The following TMPRSS4 variants were observed in gnomAD, a reference collection of about 807,000 sequenced individuals.
TMPRSS4 encodes the protein transmembrane protease serine 4.
A neutral mutation model predicts 56.4 loss-of-function variants in TMPRSS4; 45 were observed. The ratio of observed to expected loss-of-function variants is 0.80; its 90% CI spans 0.63 to 1.02. The LOEUF (loss-of-function observed/expected upper bound fraction) is 1.02. Among genes scored for constraint, TMPRSS4 ranks in the 50% least tolerant of loss-of-function variants. The probability of loss-of-function intolerance (pLI) is 0.00; values close to 1 mark genes in which losing one functional copy is unlikely to be tolerated. For synonymous variants in TMPRSS4, 205 were observed against 211.0 expected, an observed-to-expected ratio of 0.97 and a Z score of 0.25; for missense variants, 546 against 556.7, an observed-to-expected ratio of 0.98 and a Z score of 0.19.
chr11:118,115,317 A>G (rs1188636372), intron 11 of TMPRSS4, 37 bp downstream of exon 11: 3 of 1,607,340 alleles, frequency 1.9e-6, no homozygotes, highest in Non-Finnish European at 2.5e-6. Context: ...TTCTAAGAAT[A>G]GGGTTTAGGT....
rs558385675 is a variant in TMPRSS4 at position 118,098,275 on chromosome 11, G to A, written c.44-710G>A. 9.8e-5 allele frequency among the ~76,000 whole-genome samples: 15 copies of A among 152,336 alleles called. No individual in the cohort carries two copies. In the South Asian group the frequency reaches 2.9e-3, roughly 29 times the overall value. ...ACCAGGCAGCCTACAGGCACCCTCC[G>A]TGCCTCCGACAGAGCTGAGCCAGTG... On this transcript the variant is annotated intron_variant, in intron 2 of 12. Coordinates refer to ENST00000437212, the MANE Select transcript of TMPRSS4 (RefSeq NM_019894.4).
At chr11:118,114,702 C>A in intron 9 of TMPRSS4, 127 bp from the exon 10 acceptor site, 1 of 1,030,490 alleles carries the variant, frequency 9.7e-7, no homozygotes. Flanking sequence ...TTACTATCTG[C>A]AGGAATTAGC....
chr11:118,078,357 A>G (rs1005243021), intron 1 of TMPRSS4, among the ~76,000 whole-genome samples: 20 of 152,338 alleles, frequency 1.3e-4, no homozygotes, highest in Non-Finnish European at 2.1e-4. Context: ...GGAAAGGAGA[A>G]GCCACTGTCC....
At chr11:118,115,792 C>T (rs547857555) in intron 11 of TMPRSS4, among the ~76,000 whole-genome samples, 5 of 152,296 alleles carry the variant, frequency 3.3e-5, no homozygotes, top group South Asian at 2.1e-4. Flanking sequence ...CACTGCACTC[C>T]AGCCTGGGTG....
At chr11:118,089,318 C>T (rs1246810688) in intron 1 of TMPRSS4, among the ~76,000 whole-genome samples, 2 of 152,166 alleles carry the variant, frequency 1.3e-5, no homozygotes, top group African/African-American at 4.8e-5. Flanking sequence ...GAAACTCAGG[C>T]AGCACAACAG....
At chr11:118,105,415 TTATTATATCTTATATATAGATATA>T (rs1196234458) in intron 5 of TMPRSS4, among the ~76,000 whole-genome samples, 1 of 151,866 alleles carries the variant, frequency 6.6e-6, no homozygotes, top group Non-Finnish European at 1.5e-5. Context: ...AAAAAGATAG[TTATTATATCTTATATATAGATATA>T]TATTATATCT....
At chr11:118,111,708 TCCTGCCTCCTC>T (rs772895720) in intron 7 of TMPRSS4, 22 bp from the exon 8 acceptor site, 2 of 1,527,928 alleles carry the variant, frequency 1.3e-6, no homozygotes, top group Non-Finnish European at 8.8e-7. Context: ...CAGCCTGACT[TCCTGCCTCCTC>T]CCTGCCTCTG....
intron 1 of TMPRSS4, among the ~76,000 whole-genome samples, chr11:118,083,088 C>T (rs888984227): frequency 6.6e-6 from 1 of 152,206 alleles, no homozygotes; most frequent in Non-Finnish European, 1.5e-5. Flanking sequence ...GGTCGAATCC[C>T]CCAGGGGTGC....
intron 1 of TMPRSS4, among the ~76,000 whole-genome samples, chr11:118,093,825 C>CCG (rs66992028): frequency 2.0e-5 from 3 of 151,402 alleles, no homozygotes; most frequent in Admixed American, 6.6e-5. Flanking sequence ...ACTGCCCCCC[C>CCG]CAATGGTAAC....
chr11:118,107,881 T>C lies in TMPRSS4; in HGVS notation c.542+6T>C, dbSNP rs1947076078. 6.2e-7 allele frequency: 1 copy of C among 1,613,116 alleles called. No individual in the cohort carries two copies. The highest frequency in any genetic ancestry group is 1.3e-5 in the African/African-American group (1 of 75,000). On this transcript the variant is annotated splice_donor_region_variant and intron_variant, in intron 6 of 12. Transcript: ENST00000437212. ...CGCATGCGGAACTCAAGTGGGTAAG[T>C]GAGGGGACACCTTCTGGCCTACAGA...
Position 118,117,930 on chromosome 11 carries a change from C to T in TMPRSS4, c.*17C>T. On this transcript the variant is annotated 3_prime_UTR_variant, in exon 13 of 13. Coordinates refer to ENST00000437212, the MANE Select transcript of TMPRSS4 (RefSeq NM_019894.4). ...GAGCTGTAATGCTGCTGCCCCTTTG[C>T]AGTGCTGGGAGCCGCTTCCTTCCTG... is the stretch of plus-strand genomic sequence containing the variant. 3 of 1,613,000 alleles carry T rather than the reference C, an allele frequency of 1.9e-6. No homozygotes were observed. Among genetic ancestry groups the T allele is most frequent in the East Asian group, 2.2e-5 (1 of 44,890 alleles).
intron 1 of TMPRSS4, among the ~76,000 whole-genome samples, chr11:118,091,217 C>T (rs962999259): frequency 1.3e-5 from 2 of 152,272 alleles, no homozygotes; most frequent in Middle Eastern, 3.4e-3. Context: ...ACACATTTGG[C>T]GTCTTTTTAC....
chr11:118,111,351 T>C (rs941288079), intron 7 of TMPRSS4, among the ~76,000 whole-genome samples: 2 of 152,128 alleles, frequency 1.3e-5, no homozygotes, highest in Non-Finnish European at 1.5e-5. Flanking sequence ...CAAAATAGCT[T>C]GTGGGTGTCT....
At chr11:118,093,799 T>G (rs1232424664) in intron 1 of TMPRSS4, among the ~76,000 whole-genome samples, 1 of 124,124 alleles carries the variant, frequency 8.1e-6, no homozygotes, top group Non-Finnish European at 1.7e-5. Context: ...CTCCACTGTG[T>G]TCCTTCCAAT....
At chr11:118,086,757 T>G (rs1314289326) in intron 1 of TMPRSS4, 1 of 152,828 alleles carries the variant, frequency 6.5e-6, no homozygotes, top group Non-Finnish European at 1.5e-5. Context: ...TTACCTGTCA[T>G]GGCTGAGACA....
At chr11:118,110,840 C>T (rs1357531819) in intron 7 of TMPRSS4, among the ~76,000 whole-genome samples, 1 of 152,214 alleles carries the variant, frequency 6.6e-6, no homozygotes, top group African/African-American at 2.4e-5. Flanking sequence ...AGCCAGGTTC[C>T]TAACAGGCCA....
intron 3 of TMPRSS4, among the ~76,000 whole-genome samples, chr11:118,099,464 A>AGAGAAAG (rs1946613331): frequency 4.5e-5 from 1 of 22,244 alleles, no homozygotes; most frequent in Non-Finnish European, 1.1e-4. Context: ...AGAGAGAAAG[A>AGAGAAAG]AAGAAAGAAA....
At chr11:118,103,541 C>T (rs1455733474) in intron 4 of TMPRSS4, among the ~76,000 whole-genome samples, 3 of 152,148 alleles carry the variant, frequency 2.0e-5, no homozygotes, top group Non-Finnish European at 4.4e-5. Context: ...GCCACCACGC[C>T]TGGCTAATTT....
At chr11:118,089,432 A>C (rs535121935) in intron 1 of TMPRSS4, among the ~76,000 whole-genome samples, 2 of 152,270 alleles carry the variant, frequency 1.3e-5, no homozygotes, top group East Asian at 3.9e-4. Flanking sequence ...GGTGCATAGC[A>C]TTGGGGGAAC....
Sources: allele counts gnomAD v4.1 joint callset (sites outside exome capture counted in the v4.1 genomes callset), GRCh38; gene constraint gnomAD v4.1.1; transcripts MANE v1.5; gene names NCBI Gene and HGNC (gene_info 2026-07-23, HGNC 2026-07-21).